RNF123: variants seen among roughly 807,000 people sequenced by gnomAD.
RNF123 encodes the protein E3 ubiquitin-protein ligase RNF123.
RNF123 carries 86 observed loss-of-function variants against 168.5 expected under a neutral mutation model. The observed-to-expected ratio is 0.51, with a 90% CI of 0.43 to 0.61. The LOEUF is 0.61. Ranked by LOEUF, RNF123 falls within the 20% of genes least tolerant of loss-of-function variation. RNF123 has a pLI of 0.00. For missense variants in RNF123, 1,419 were observed against 1,729.7 expected (o/e 0.82, Z 3.19); for synonymous variants, 666 against 689.1 (o/e 0.97, Z 0.52).
intron 27 of RNF123, 162 bp from the exon 28 acceptor site, chr3:49,713,351 C>T: frequency 1.5e-6 from 1 of 657,948 alleles, no homozygotes; most frequent in Non-Finnish European, 2.6e-6. Flanking sequence ...TGCACAGCCA[C>T]CAATGAATGC....
chr3:49,705,479 G>C, intron 23 of RNF123, 55 bp from the exon 24 acceptor site: 1 of 1,533,140 alleles, frequency 6.5e-7, no homozygotes, highest in Non-Finnish European at 8.8e-7. Context: ...TGTGAGGCAG[G>C]CTCAGGAGAG....
chr3:49,706,986 C>A, intron 26 of RNF123, 88 bp downstream of exon 26: 1 of 993,158 alleles, frequency 1.0e-6, no homozygotes, highest in Non-Finnish European at 1.6e-6. Context: ...GATGCCCCCA[C>A]CCTCTCAGGC....
intron 26 of RNF123, 62 bp from the exon 27 acceptor site, chr3:49,712,417 A>G: frequency 6.4e-7 from 1 of 1,564,098 alleles, no homozygotes; most frequent in Non-Finnish European, 8.7e-7. Flanking sequence ...TCCCCAGGCC[A>G]GGACATGCCC....
At position 49,721,273 on chromosome 3, in the gene RNF123, G is replaced by A. The variant is rs561212361; in HGVS notation, c.3913G>A (p.Ala1305Thr). The A allele has an allele frequency of 1.2e-6, 2 of 1,614,222 alleles. No homozygotes were observed. Among genetic ancestry groups the A allele is most frequent in the South Asian group, 1.1e-5 (1 of 91,090 alleles). The change falls in exon 39 of 39, where the codon GCC becomes ACC. Residue 1305 changes from alanine to threonine, a missense_variant. Transcript: ENST00000327697. Reference sequence around the variant, plus strand: ...GTCTGTAGAGGACTGGGAGAAGGGAGCCAATACGAGTACTACCTCCTCAGC... The same window carrying A: ...GTCTGTAGAGGACTGGGAGAAGGGAACCAATACGAGTACTACCTCCTCAGC... Reference protein sequence around the residue: ...IVSVEDWEKGANTSTTSSAA With the variant: ...IVSVEDWEKGTNTSTTSSAA
chr3:49,716,299 G>C, intron 34 of RNF123, 94 bp from the exon 35 acceptor site: 1 of 1,546,342 alleles, frequency 6.5e-7, no homozygotes, highest in Non-Finnish European at 8.9e-7. Context: ...TGCAGTCTCG[G>C]CTCACCCTTC....
Position 49,706,036 on chromosome 3 carries a change from G to A in RNF123, c.2359G>A (p.Glu787Lys). 1 of 1,614,216 alleles carries A rather than the reference G, an allele frequency of 6.2e-7. No homozygotes were observed. Among genetic ancestry groups the A allele is most frequent in the Non-Finnish European group, 8.5e-7 (1 of 1,180,026 alleles). ...NEYAMALRDT[E>K]DKLRRCPKRR... is the part of the protein sequence containing the mutation. ...ATACGCTATGGCTCTGAGGGACACAGAGGACAAGCTCCGCCGGTGCCCCAA... is the reference window on the plus strand; with the variant it reads ...ATACGCTATGGCTCTGAGGGACACAAAGGACAAGCTCCGCCGGTGCCCCAA... The change falls in exon 25 of 39, where the codon GAG (glutamate) becomes AAG (lysine). Residue 787 changes from glutamate (E) to lysine (K), a missense_variant. Physicochemically the swap from Glu to Lys is moderately conservative, Grantham distance 56. Transcript: ENST00000327697.
chr3:49,707,974 TTTTTGTTTTG>T (rs745893375), intron 26 of RNF123, among the ~76,000 whole-genome samples: 1 of 152,112 alleles, frequency 6.6e-6, no homozygotes, highest in African/African-American at 2.4e-5. Context: ...AGCTGTGTTT[TTTTTGTTTTG>T]TTTTGTTTTG....
intron 26 of RNF123, among the ~76,000 whole-genome samples, chr3:49,709,343 C>G (rs1449729438): frequency 1.3e-5 from 2 of 151,504 alleles, no homozygotes; most frequent in East Asian, 1.9e-4. Flanking sequence ...CTCTTTCACC[C>G]AGGCCGGAGT....
chr3:49,720,395 A>C, intron 35 of RNF123, 116 bp from the exon 36 acceptor site: 1 of 1,051,100 alleles, frequency 9.5e-7, no homozygotes, highest in South Asian at 2.3e-5. Context: ...GGAGACGGAA[A>C]GGATGCAGGG....
intron 29 of RNF123, 24 bp downstream of exon 29, chr3:49,713,849 C>A (rs1444535299): frequency 6.2e-7 from 1 of 1,613,098 alleles, no homozygotes; most frequent in Admixed American, 1.7e-5. Flanking sequence ...GGGGGGCACA[C>A]ACCCTGGCCA....
intron 12 of RNF123, 138 bp from the exon 13 acceptor site, chr3:49,700,089 G>A (rs1011451583): frequency 3.3e-5 from 41 of 1,256,856 alleles, no homozygotes; most frequent in Non-Finnish European, 4.3e-5. Flanking sequence ...GACCCCGGAA[G>A]GGGTCATCTA....
intron 3 of RNF123, among the ~76,000 whole-genome samples, chr3:49,692,010 A>G (rs1428032371): frequency 6.6e-6 from 1 of 152,240 alleles, no homozygotes; most frequent in Non-Finnish European, 1.5e-5. Flanking sequence ...TTGGGAGGCC[A>G]AGGTGGGTAG....
chr3:49,706,141 G>A, intron 25 of RNF123, 76 bp downstream of exon 25: 2 of 1,359,772 alleles, frequency 1.5e-6, no homozygotes, highest in Non-Finnish European at 1.0e-6. Context: ...CTGGTTCTGG[G>A]GGCTGCCCTG....
Position 49,714,152 on chromosome 3 carries a change from C to T in RNF123, c.2988C>T (p.Asp996=), listed in dbSNP as rs2291542. Residue 996 remains aspartate, a synonymous_variant, in exon 31 of 39, where the codon GAC becomes GAT. Coordinates refer to ENST00000327697, the MANE Select transcript of RNF123 (RefSeq NM_022064.5). ...LPHLLKTKLE[D]ANLPSLQKPC... ...ATCTGCTGAAAACCAAACTTGAGGA[C>T]GCCAATTTGCCCAGCCTCCAGAGTG... is the stretch of plus-strand genomic sequence containing the variant. 484,122 of 1,613,742 alleles carry T rather than the reference C, an allele frequency of 0.3. 74,724 individuals carry two copies. Among genetic ancestry groups the T allele is most frequent in the Non-Finnish European group, 0.32 (375,539 of 1,179,802 alleles).
In RNF123 at chr3:49,715,647, G is replaced by C; in HGVS notation, c.3083G>C (p.Ser1028Thr). Residue 1028 changes from serine (S) to threonine (T), a missense_variant, in exon 32 of 39, where the codon AGC (serine) becomes ACC (threonine). Physicochemically the swap from Ser to Thr is moderately conservative, Grantham distance 58. Around this residue, in one of 5 missense-constraint regions of RNF123, gnomAD observed 538 missense variants for 708.8 expected, o/e 0.76. Coordinates refer to ENST00000327697, the MANE Select transcript of RNF123 (RefSeq NM_022064.5). ...LLQQGPDVAPSFLNSVLNQLN... is the reference protein window; with the variant it reads ...LLQQGPDVAPTFLNSVLNQLN... ...CAGCAGGGTCCTGATGTGGCACCCA[G>C]CTTCCTCAACAGCGTCCTCAATCAG... 6.2e-7 allele frequency: 1 copy of C among 1,614,226 alleles called. No individual in the cohort carries two copies. The highest frequency in any genetic ancestry group is 1.6e-4 in the Middle Eastern group (1 of 6,062).
intron 21 of RNF123, among the ~76,000 whole-genome samples, chr3:49,704,420 GGT>G (rs959161712): frequency 3.9e-5 from 6 of 152,122 alleles, no homozygotes; most frequent in Admixed American, 2.6e-4. Flanking sequence ...GAAAAAGAAG[GGT>G]GTGATGGGGA....
chr3:49,696,642 C>CTTT (rs35074575), intron 3 of RNF123, among the ~76,000 whole-genome samples: 8 of 117,962 alleles, frequency 6.8e-5, no homozygotes, highest in East Asian at 2.5e-4. Flanking sequence ...TGGCCACATA[C>CTTT]TTTTTTTTTT....
chr3:49,704,939 G>A, intron 22 of RNF123, 45 bp from the exon 23 acceptor site: 2 of 1,548,022 alleles, frequency 1.3e-6, no homozygotes, highest in Non-Finnish European at 1.7e-6. Context: ...TGGGCCAAGG[G>A]AACCCTGAGC....
At chr3:49,718,613 C>T (rs760617823) in intron 35 of RNF123, 3 of 1,613,008 alleles carry the variant, frequency 1.9e-6, no homozygotes, top group East Asian at 2.2e-5. Context: ...AGGTGCTCTT[C>T]CGGCCGCTCT....
Sources: gnomAD v4.1 joint callset for allele counts (sites outside exome capture counted in the v4.1 genomes callset) on GRCh38, gnomAD v4.1.1 for gene constraint, gnomAD v4.1.1 regional missense constraint, MANE v1.5 for transcripts, NCBI Gene and HGNC (gene_info 2026-07-23, HGNC 2026-07-21) for gene names.